Variants in IFTAP observed in about 807,000 individuals in gnomAD.
The protein encoded by IFTAP is intraflagellar transport-associated protein.
IFTAP carries 19 observed loss-of-function variants against 19.4 expected under a neutral mutation model. The ratio of observed to expected loss-of-function variants is 0.98; its 90% CI spans 0.68 to 1.44. The LOEUF (loss-of-function observed/expected upper bound fraction) is 1.44. IFTAP is among the 40% of genes most tolerant of loss of function. The probability of loss-of-function intolerance (pLI) is 0.00; values close to 1 mark genes in which losing one functional copy is unlikely to be tolerated. For missense variants in IFTAP, 240 were observed against 253.6 expected (o/e 0.95, Z 0.36); for synonymous variants, 85 against 83.5 (o/e 1.02, Z -0.10).
chr11:36,645,561 A>G (rs549499175), intron 4 of IFTAP, among the ~76,000 whole-genome samples: 1 of 152,078 alleles, frequency 6.6e-6, no homozygotes, highest in Non-Finnish European at 1.5e-5. Flanking sequence ...CCATGAGTGA[A>G]TACAGTATTT....
chr11:36,635,623 G>T (rs1300603817), intron 3 of IFTAP, among the ~76,000 whole-genome samples: 1 of 152,148 alleles, frequency 6.6e-6, no homozygotes, highest in Non-Finnish European at 1.5e-5. Flanking sequence ...AGTGCTATCA[G>T]AAAGCACGGT....
At chr11:36,655,919 T>G (rs1374335523) in intron 5 of IFTAP, among the ~76,000 whole-genome samples, 2 of 152,202 alleles carry the variant, frequency 1.3e-5, no homozygotes, top group Non-Finnish European at 2.9e-5. Context: ...TAGTACCAAG[T>G]GACTGATGAA....
chr11:36,606,904 T>C (rs1851713883), intron 1 of IFTAP, among the ~76,000 whole-genome samples: 1 of 152,256 alleles, frequency 6.6e-6, no homozygotes, highest in Non-Finnish European at 1.5e-5. Flanking sequence ...CATTATTTAC[T>C]GTCTAGCTAC....
chr11:36,605,055 A>G (rs111272545), intron 1 of IFTAP, among the ~76,000 whole-genome samples: 1 of 151,404 alleles, frequency 6.6e-6, no homozygotes, highest in Non-Finnish European at 1.5e-5. Flanking sequence ...TCTTTTGGAG[A>G]TTTGACCATT....
At position 36,639,318 on chromosome 11, in the gene IFTAP, G is replaced by A. The variant is rs12363403; in HGVS notation, c.358+3201G>A. On this transcript the variant is annotated intron_variant, in intron 4 of 5. Coordinates refer to ENST00000334307, the MANE Select transcript of IFTAP (RefSeq NM_138787.4). ...CTTACACACATCTCTTGGTCAGCGG[G>A]TGTACTTATGGTGTGGCTGATTGTA... Among the ~76,000 whole-genome samples, 313 of 151,924 alleles carry A rather than the reference G, an allele frequency of 2.1e-3. 1 individual carries two copies. The highest frequency in any genetic ancestry group is 3.3e-3 in the Non-Finnish European group (227 of 67,978).
At chr11:36,608,753 A>T (rs1476999809) in intron 1 of IFTAP, among the ~76,000 whole-genome samples, 2 of 152,156 alleles carry the variant, frequency 1.3e-5, no homozygotes, top group Non-Finnish European at 2.9e-5. Context: ...TAATCTCATC[A>T]TATCAGGAGT....
At chr11:36,648,223 T>A in intron 5 of IFTAP, 68 bp downstream of exon 5, 1 of 1,530,978 alleles carries the variant, frequency 6.5e-7, no homozygotes, top group Non-Finnish European at 8.9e-7. Flanking sequence ...TTCAAAGAAA[T>A]GCTGCATGCT....
intron 2 of IFTAP, among the ~76,000 whole-genome samples, chr11:36,631,862 A>G (rs1263622494): frequency 2.0e-5 from 3 of 151,160 alleles, no homozygotes; most frequent in African/African-American, 7.4e-5. Flanking sequence ...AGCAAGTTTC[A>G]GTTTTGGAAT....
intron 2 of IFTAP, among the ~76,000 whole-genome samples, chr11:36,616,266 T>G (rs1256843797): frequency 1.3e-5 from 2 of 152,008 alleles, no homozygotes; most frequent in African/African-American, 4.8e-5. Context: ...CCTGTTTTCT[T>G]CTGTGTAGAT....
At chr11:36,627,942 A>T (rs955261745) in intron 2 of IFTAP, among the ~76,000 whole-genome samples, 1 of 151,292 alleles carries the variant, frequency 6.6e-6, no homozygotes, top group African/African-American at 2.5e-5. Flanking sequence ...TGGAGAGGAA[A>T]CATAACCAGT....
intron 4 of IFTAP, among the ~76,000 whole-genome samples, chr11:36,643,973 G>C (rs918650819): frequency 2.6e-5 from 4 of 152,172 alleles, no homozygotes; most frequent in African/African-American, 9.7e-5. Flanking sequence ...AAAAACAATG[G>C]CAACAAAAGC....
rs1851411986 is a variant in IFTAP at position 36,599,276 on chromosome 11, G to A, written c.-24+4684G>A. Among the ~76,000 whole-genome samples the A allele has an allele frequency of 2.6e-5, 4 of 152,294 alleles. No individual in the cohort carries two copies. In the South Asian group the frequency reaches 8.3e-4, roughly 32 times the overall value. Reference sequence around the variant, plus strand: ...CCCAAAGTGCTGGGATTACAGGAGTGAGCCACCTCGCCCAGCCTATAATTT... The same window carrying A: ...CCCAAAGTGCTGGGATTACAGGAGTAAGCCACCTCGCCCAGCCTATAATTT... On this transcript the variant is annotated intron_variant, in intron 1 of 5. Coordinates refer to ENST00000334307, the MANE Select transcript of IFTAP (RefSeq NM_138787.4).
At chr11:36,640,795 T>G (rs568563161) in intron 4 of IFTAP, among the ~76,000 whole-genome samples, 1 of 152,306 alleles carries the variant, frequency 6.6e-6, no homozygotes, top group African/African-American at 2.4e-5. Flanking sequence ...TACTGTATAA[T>G]GAAATATGTC....
intron 4 of IFTAP, among the ~76,000 whole-genome samples, chr11:36,638,153 G>A (rs112801756): frequency 1.3e-5 from 2 of 150,384 alleles, no homozygotes; most frequent in African/African-American, 4.9e-5. Context: ...CCGCCCCACC[G>A]CCCGCCCGAG....
intron 2 of IFTAP, among the ~76,000 whole-genome samples, chr11:36,612,999 T>C (rs563420387): frequency 2.0e-5 from 3 of 152,232 alleles, no homozygotes; most frequent in East Asian, 1.9e-4. Context: ...TAAACCGTGG[T>C]ACATGTTTGA....
At chr11:36,651,996 AG>A (rs1354201521) in intron 5 of IFTAP, among the ~76,000 whole-genome samples, 6 of 152,184 alleles carry the variant, frequency 3.9e-5, no homozygotes, top group African/African-American at 1.4e-4. Context: ...TGATGCCTCC[AG>A]CTTTGTTCTT....
intron 2 of IFTAP, among the ~76,000 whole-genome samples, chr11:36,630,925 T>G (rs1852700993): frequency 6.6e-6 from 1 of 151,266 alleles, no homozygotes; most frequent in Admixed American, 6.6e-5. Context: ...CATCCTTCAG[T>G]TAACTCCTAT....
intron 2 of IFTAP, among the ~76,000 whole-genome samples, chr11:36,614,619 T>C (rs1281968250): frequency 6.7e-6 from 1 of 148,532 alleles, no homozygotes; most frequent in Non-Finnish European, 1.5e-5. Flanking sequence ...TTCTAACTGG[T>C]GTGAGATGGT....
At chr11:36,618,648 G>C (rs1852185060) in intron 2 of IFTAP, among the ~76,000 whole-genome samples, 1 of 152,026 alleles carries the variant, frequency 6.6e-6, no homozygotes, top group Non-Finnish European at 1.5e-5. Context: ...GTACAAGCCT[G>C]AGGAACACCC....
Sources: allele counts gnomAD v4.1 joint callset (sites outside exome capture counted in the v4.1 genomes callset), GRCh38; gene constraint gnomAD v4.1.1; transcripts MANE v1.5; gene names NCBI Gene and HGNC (gene_info 2026-07-23, HGNC 2026-07-21).